The following UACA variants were observed in gnomAD, a reference collection of about 807,000 sequenced individuals.
UACA encodes nuclear membrane binding protein.
A neutral mutation model predicts 160.5 loss-of-function variants in UACA; 112 were observed. The ratio of observed to expected loss-of-function variants is 0.70; its 90% CI spans 0.60 to 0.82. The LOEUF is 0.82. Among genes scored for constraint, UACA ranks in the 40% least tolerant of loss-of-function variants. The pLI is 0.00. For missense variants in UACA, 1,574 were observed against 1,614.6 expected (o/e 0.97, Z 0.43); for synonymous variants, 557 against 568.4 (o/e 0.98, Z 0.29).
intron 5 of UACA, among the ~76,000 whole-genome samples, chr15:70,689,959 G>A (rs1012191376): frequency 2.6e-5 from 4 of 151,996 alleles, no homozygotes; most frequent in Admixed American, 6.6e-5. Flanking sequence ...TTATGTGCCA[G>A]GCACTACTTA....
chr15:70,758,632 T>C (rs1373732246), intron 1 of UACA: 8 of 152,204 alleles, frequency 5.3e-5, no homozygotes, highest in African/African-American at 1.9e-4. Flanking sequence ...AAACTAATGT[T>C]ATTAGTGGAA....
Position 70,664,645 on chromosome 15 carries a change from T to C in UACA, c.4113+17A>G. On this transcript the variant is annotated intron_variant, in intron 17 of 18. Coordinates refer to ENST00000322954, the MANE Select transcript of UACA (RefSeq NM_018003.4). ...CAGCACATATTCCTGCAAAGCCCCGTGTGCCTGGTTACTCACGGCCAGCTG... is the reference window on the plus strand; with the variant it reads ...CAGCACATATTCCTGCAAAGCCCCGCGTGCCTGGTTACTCACGGCCAGCTG... 6.2e-7 allele frequency: 1 copy of C among 1,601,820 alleles called. No homozygotes were observed. Among genetic ancestry groups the C allele is most frequent in the Non-Finnish European group, 8.5e-7 (1 of 1,174,368 alleles).
Position 70,744,009 on chromosome 15 carries a change from C to T in UACA, c.78+19321G>A, listed in dbSNP as rs543863994. ...CCTGTAATTCTAGCACTTTGGGAGG[C>T]CGAGACGGGCGGATCACGAGGTCAG... On this transcript the variant is annotated intron_variant, in intron 1 of 18. Transcript: ENST00000322954. Among the ~76,000 whole-genome samples the T allele has an allele frequency of 3.3e-5, 5 of 152,136 alleles. No individual in the cohort carries two copies. The South Asian group carries it at 1.0e-3, about 32-fold the overall frequency.
Position 70,669,128 on chromosome 15 carries a change from T to C in UACA, c.1556A>G (p.His519Arg), listed in dbSNP as rs1230606808. 20 of 1,613,970 alleles carry C rather than the reference T, an allele frequency of 1.2e-5. No homozygotes were observed. The highest frequency in any genetic ancestry group is 1.4e-5 in the Non-Finnish European group (17 of 1,180,016). ...TAAGTGTTCTTTAAGGGCAAGAAAA[T>C]GGGTCTGCATTTGTTTAACTTTACC... ...SEGKVKQMQTHFLALKEHLTS... is the reference protein window; with the variant it reads ...SEGKVKQMQTRFLALKEHLTS... Residue 519 changes from histidine to arginine, a missense_variant, in exon 16 of 19, where the codon CAT (histidine) becomes CGT (arginine). Coordinates refer to ENST00000322954, the MANE Select transcript of UACA (RefSeq NM_018003.4).
chr15:70,677,960 T>C (rs1486254229), intron 11 of UACA, 139 bp downstream of exon 11: 4 of 584,400 alleles, frequency 6.8e-6, no homozygotes, highest in Non-Finnish European at 1.2e-5. Context: ...TAAAATTTCA[T>C]GTAAAAATCC....
At chr15:70,729,518 T>TGGG (rs1465736920) in intron 1 of UACA, among the ~76,000 whole-genome samples, 1 of 104,120 alleles carries the variant, frequency 9.6e-6, no homozygotes. Context: ...GGAACAACCC[T>TGGG]TCCGCCGCCT....
intron 1 of UACA, among the ~76,000 whole-genome samples, chr15:70,706,369 G>A (rs1378879479): frequency 6.6e-6 from 1 of 152,002 alleles, no homozygotes; most frequent in Non-Finnish European, 1.5e-5. Context: ...TCAGGCAGAA[G>A]ACAAAGATGC....
chr15:70,703,417 T>C (rs1228872230), intron 1 of UACA: 1 of 473,464 alleles, frequency 2.1e-6, no homozygotes, highest in East Asian at 7.1e-5. Flanking sequence ...ATTAGGCCCA[T>C]ATTCTAATTA....
In UACA at chr15:70,668,734, TA is replaced by T. The variant is rs1407455541; in HGVS notation, c.1949del (p.Leu650Ter). The T allele has an allele frequency of 1.6e-5, 26 of 1,613,786 alleles. No homozygotes were observed. The highest frequency in any genetic ancestry group is 2.1e-5 in the Non-Finnish European group (25 of 1,179,968). The stretch of plus-strand genomic sequence containing the variant: ...TTTCATGTTCTCTTTCCATTTCTAC[TA>T]ATTTTTTTGCTTTCTCATTCACTTC... ...SNEVNEKAKKLVEMEREHEKS... is the reference protein window; with the variant it reads ...SNEVNEKAKKXVEMEREHEKS... On this transcript the variant is annotated frameshift_variant, in exon 16 of 19. Transcript: ENST00000322954. LOFTEE classifies it high-confidence loss of function.
In UACA at chr15:70,667,809, C is replaced by G. The variant is rs775015884; in HGVS notation, c.2875G>C (p.Glu959Gln). The change falls in exon 16 of 19, where the codon GAG (glutamate) becomes CAG (glutamine). Residue 959 changes from glutamate to glutamine, a missense_variant. Glu to Gln is a conservative substitution (Grantham distance 29). Coordinates refer to ENST00000322954, the MANE Select transcript of UACA (RefSeq NM_018003.4). ...ATTTCGGCATGCAGTGTCACAATCT[C>G]TTCTTGGCCTTTTCTGTAGTTGGCC... The part of the protein sequence containing the change: ...ILANYRKGQE[E>Q]IVTLHAEIKA... 6.8e-6 allele frequency: 11 copies of G among 1,613,892 alleles called. No individual in the cohort carries two copies. In the East Asian group the frequency reaches 2.2e-4, roughly 33 times the overall value.
chr15:70,660,405 A>C, intron 17 of UACA, 189 bp from the exon 18 acceptor site: 1 of 525,964 alleles, frequency 1.9e-6, no homozygotes. Context: ...TTCTGTAAAG[A>C]ATGTGTGGCT....
upstream of UACA, among the ~76,000 whole-genome samples, chr15:70,764,903 C>T (rs946251137): frequency 2.0e-5 from 3 of 152,094 alleles, no homozygotes; most frequent in African/African-American, 7.2e-5. Context: ...ACCTCATACC[C>T]GGACTATTAT....
intron 8 of UACA, 131 bp downstream of exon 8, chr15:70,684,134 G>A: frequency 1.4e-6 from 1 of 714,648 alleles, no homozygotes; most frequent in Non-Finnish European, 2.2e-6. Context: ...GTTGTAGAGG[G>A]AGATGAACCA....
intron 1 of UACA, among the ~76,000 whole-genome samples, chr15:70,740,789 C>T (rs1899508633): frequency 6.6e-6 from 1 of 152,066 alleles, no homozygotes; most frequent in South Asian, 2.1e-4. Context: ...CACCTGTAAT[C>T]CCAGCACTTT....
intron 1 of UACA, among the ~76,000 whole-genome samples, chr15:70,741,401 C>G (rs1045340393): frequency 6.6e-6 from 1 of 152,102 alleles, no homozygotes; most frequent in African/African-American, 2.4e-5. Context: ...CTGTTTGATA[C>G]ATGTGCTAGT....
intron 1 of UACA, among the ~76,000 whole-genome samples, chr15:70,722,865 G>A (rs1358777169): frequency 6.6e-6 from 1 of 151,828 alleles, no homozygotes; most frequent in Non-Finnish European, 1.5e-5. Context: ...AATTCAGTTT[G>A]AAAAAAATTA....
intron 1 of UACA, among the ~76,000 whole-genome samples, chr15:70,740,531 G>T (rs887542989): frequency 6.6e-6 from 1 of 151,676 alleles, no homozygotes; most frequent in African/African-American, 2.4e-5. Flanking sequence ...CAGCTACACG[G>T]GAGGCTGAGG....
chr15:70,691,489 TCA>T, intron 3 of UACA, 126 bp from the exon 4 acceptor site: 1 of 617,130 alleles, frequency 1.6e-6, no homozygotes, highest in Non-Finnish European at 2.7e-6. Flanking sequence ...AAGTATACTT[TCA>T]GTTTCCAAAG....
upstream of UACA, among the ~76,000 whole-genome samples, chr15:70,763,855 C>T (rs1036705593): frequency 6.6e-6 from 1 of 152,226 alleles, no homozygotes; most frequent in African/African-American, 2.4e-5. Flanking sequence ...TGCCACCTCT[C>T]ATCTTCCCGG....
Sources: allele counts gnomAD v4.1 joint callset (sites outside exome capture counted in the v4.1 genomes callset), GRCh38; gene constraint gnomAD v4.1.1; transcripts MANE v1.5; gene names NCBI Gene and HGNC (gene_info 2026-07-23, HGNC 2026-07-21).